Variants in TEC observed in about 807,000 individuals in gnomAD.
TEC encodes the protein tec protein tyrosine kinase, also known as tyrosine-protein kinase Tec.
TEC carries 72 observed loss-of-function variants against 93.0 expected under a neutral mutation model. The observed-to-expected ratio is 0.77, with a 90% CI of 0.64 to 0.94. The LOEUF is 0.94. TEC is among the 40% of genes least tolerant of loss of function. The pLI, the probability that TEC is intolerant of heterozygous loss-of-function variation, is 0.00. For synonymous variants in TEC, 249 were observed against 247.7 expected (o/e 1.01, Z -0.05); for missense variants, 630 against 757.9 (o/e 0.83, Z 1.98).
chr4:48,175,406 G>C (rs1178738328), intron 3 of TEC, among the ~76,000 whole-genome samples: 2 of 152,226 alleles, frequency 1.3e-5, no homozygotes, highest in Admixed American at 6.5e-5. Flanking sequence ...TGCTCAAGGA[G>C]AGCATAAAAA....
At chr4:48,260,619 G>GA (rs34792468) in intron 1 of TEC, among the ~76,000 whole-genome samples, 118,150 of 149,998 alleles carry the variant, frequency 0.79, 46,815 homozygotes, top group Middle Eastern at 0.9. Context: ...CAAAAAAAAA[G>GA]AAAAAAAAAA....
intron 1 of TEC, among the ~76,000 whole-genome samples, chr4:48,240,142 C>T (rs144060521): frequency 2.0e-5 from 3 of 152,154 alleles, no homozygotes; most frequent in African/African-American, 7.2e-5. Flanking sequence ...TAAAATTGTT[C>T]ATGAGTTGAT....
In TEC at chr4:48,145,460, G is replaced by A. The variant is rs754887835; in HGVS notation, c.1201C>T (p.Arg401Trp). ...TCCTCCTCGCACATTGCACCTTCCC[G>A]AATAGCTTTGATTGCGACTTTGTAC... ...AQYKVAIKAI[R>W]EGAMCEEDFI... Residue 401 changes from arginine to tryptophan, a missense_variant, in exon 13 of 18, where the codon CGG becomes TGG. Physicochemically the swap from Arg to Trp is moderately radical, Grantham distance 101 (BLOSUM62 -3). Coordinates refer to ENST00000381501, the MANE Select transcript of TEC (RefSeq NM_003215.3). 9 of 1,613,934 alleles carry A rather than the reference G, an allele frequency of 5.6e-6. No homozygotes were observed. Among genetic ancestry groups the A allele is most frequent in the African/African-American group, 4.0e-5 (3 of 74,898 alleles).
chr4:48,173,156 C>T (rs1439784631), intron 3 of TEC, among the ~76,000 whole-genome samples: 1 of 151,954 alleles, frequency 6.6e-6, no homozygotes, highest in Non-Finnish European at 1.5e-5. Context: ...ATATTTAACC[C>T]CCAAATATCC....
intron 11 of TEC, among the ~76,000 whole-genome samples, chr4:48,148,082 G>A (rs1577698829): frequency 6.6e-6 from 1 of 152,120 alleles, no homozygotes; most frequent in Non-Finnish European, 1.5e-5. Flanking sequence ...CTGGGGCTGG[G>A]CTGGTGAAGG....
chr4:48,180,878 A>G (rs1721556269), intron 2 of TEC, among the ~76,000 whole-genome samples: 1 of 152,200 alleles, frequency 6.6e-6, no homozygotes, highest in Admixed American at 6.5e-5. Flanking sequence ...GTTGACAGGG[A>G]GGCTGGCTGG....
chr4:48,237,141 G>A (rs1723807400), intron 1 of TEC, among the ~76,000 whole-genome samples: 1 of 152,076 alleles, frequency 6.6e-6, no homozygotes, highest in Admixed American at 6.6e-5. Flanking sequence ...GACCAGCCTG[G>A]CCAACATGGC....
Position 48,149,648 on chromosome 4 carries a change from T to C in TEC, c.915A>G (p.Thr305=), listed in dbSNP as rs559185497. The C allele has an allele frequency of 6.2e-6, 10 of 1,612,502 alleles. 1 individual carries two copies. Among genetic ancestry groups the C allele is most frequent in the Admixed American group, 1.7e-5 (1 of 59,672 alleles). ...GGTAATACTTCTTTGGAGATGTTGT[T>C]GTTTCCTTTATATGATAATGCCTAA... The part of the protein sequence containing the change: ...SGFRHYHIKE[T]TTSPKKYYLA... The change falls in exon 11 of 18, where the codon ACA becomes ACG. Residue 305 remains threonine, a synonymous_variant. Transcript: ENST00000381501.
At chr4:48,171,091 A>G (rs1384682415) in intron 4 of TEC, among the ~76,000 whole-genome samples, 2 of 152,212 alleles carry the variant, frequency 1.3e-5, no homozygotes, top group Admixed American at 1.3e-4. Context: ...TTATCATAAA[A>G]GCTTGCGCTT....
At chr4:48,216,689 G>T (rs1428651891) in intron 2 of TEC, among the ~76,000 whole-genome samples, 2 of 152,096 alleles carry the variant, frequency 1.3e-5, no homozygotes, top group African/African-American at 4.8e-5. Flanking sequence ...TCACAGTCTT[G>T]AATATGTTCA....
rs1026882899 is a variant in TEC, at chr4:48,181,009, C to G, written c.139-4823G>C. Reference sequence around the variant, plus strand: ...CAGAGTTCACAAAACTTTGTGACCACTTAGATATGGGGATTAAGAGTAGAG... The same window carrying G: ...CAGAGTTCACAAAACTTTGTGACCAGTTAGATATGGGGATTAAGAGTAGAG... On this transcript the variant is annotated intron_variant, in intron 2 of 17. Transcript: ENST00000381501. Among the ~76,000 whole-genome samples the G allele has an allele frequency of 2.0e-5, 3 of 151,994 alleles. No individual in the cohort carries two copies. The South Asian group carries it at 6.2e-4, about 32-fold the overall frequency.
intron 15 of TEC, among the ~76,000 whole-genome samples, chr4:48,139,630 T>TAC (rs1174764481): frequency 1.3e-5 from 2 of 152,232 alleles, no homozygotes; most frequent in Non-Finnish European, 2.9e-5. Flanking sequence ...TATGTGAACA[T>TAC]ACAATGTCCT....
intron 2 of TEC, among the ~76,000 whole-genome samples, chr4:48,195,317 A>G (rs1722260607): frequency 6.6e-6 from 1 of 152,250 alleles, no homozygotes; most frequent in Non-Finnish European, 1.5e-5. Flanking sequence ...TATTTTTTAA[A>G]GCCTGATCAA....
intron 7 of TEC, among the ~76,000 whole-genome samples, chr4:48,166,093 T>C (rs1036781744): frequency 6.6e-6 from 1 of 152,226 alleles, no homozygotes; most frequent in Non-Finnish European, 1.5e-5. Context: ...TGGCTGGCCA[T>C]GTGCATTCCC....
rs374078305 is a variant in TEC at position 48,265,894 on chromosome 4, A to C, written c.-46+3858T>G. Among the ~76,000 whole-genome samples the C allele has an allele frequency of 1.5e-4, 23 of 152,328 alleles. No individual in the cohort carries two copies. In the East Asian group the frequency reaches 4.2e-3, roughly 28 times the overall value. On this transcript the variant is annotated intron_variant, in intron 1 of 17. Coordinates refer to ENST00000381501, the MANE Select transcript of TEC (RefSeq NM_003215.3). ...CAAAGAGCCCAACACAATGCATGAA[A>C]ACAGACCCAAACCTAGGCACAGTGT...
chr4:48,269,321 G>A (rs1338542839), intron 1 of TEC, among the ~76,000 whole-genome samples: 1 of 152,190 alleles, frequency 6.6e-6, no homozygotes, highest in East Asian at 1.9e-4. Context: ...TATCTATCTC[G>A]ACACTGCCAA....
At chr4:48,228,340 C>A in intron 2 of TEC, 137 bp downstream of exon 2, 1 of 962,216 alleles carries the variant, frequency 1.0e-6, no homozygotes, top group Non-Finnish European at 1.4e-6. Flanking sequence ...CTCTGAAATT[C>A]ATCTTTCAAG....
intron 1 of TEC, among the ~76,000 whole-genome samples, chr4:48,229,556 A>G (rs924071594): frequency 2.0e-5 from 3 of 152,184 alleles, no homozygotes; most frequent in African/African-American, 4.8e-5. Context: ...TGGGCAGATC[A>G]CTTTAGGTGA....
chr4:48,228,639 G>T lies in TEC; in HGVS notation c.-25C>A. Reference sequence around the variant, plus strand: ...TCTCCGTCTTCTGATTACTCCTCCTGCCACTGAAGATCCCAGTATTCTACA... The same window carrying T: ...TCTCCGTCTTCTGATTACTCCTCCTTCCACTGAAGATCCCAGTATTCTACA... On this transcript the variant is annotated 5_prime_UTR_variant, in exon 2 of 18. Coordinates refer to ENST00000381501, the MANE Select transcript of TEC (RefSeq NM_003215.3). 1 of 1,605,830 alleles carries T rather than the reference G, an allele frequency of 6.2e-7. No homozygotes were observed.
Sources: gnomAD v4.1 joint callset for allele counts (sites outside exome capture counted in the v4.1 genomes callset) on GRCh38, gnomAD v4.1.1 for gene constraint, MANE v1.5 for transcripts, NCBI Gene and HGNC (gene_info 2026-07-23, HGNC 2026-07-21) for gene names.